Variants in TKTL1 observed in about 807,000 individuals in gnomAD.
TKTL1 encodes the protein transketolase like 1.
Under a neutral mutation model 39.3 loss-of-function variants are expected in TKTL1, and 1 was observed. The observed-to-expected ratio is 0.03, with a 90% CI of 0.01 to 0.12. The LOEUF (loss-of-function observed/expected upper bound fraction) is 0.12, where lower values mean the gene tolerates loss of function less well. Ranked by LOEUF, TKTL1 falls within the 10% of genes least tolerant of loss-of-function variation. The pLI is 1.00. For synonymous variants in TKTL1, 262 were observed against 193.8 expected, an observed-to-expected ratio of 1.35 and a Z score of -2.92; for missense variants, 575 against 509.6, an observed-to-expected ratio of 1.13 and a Z score of -1.24.
At chrX:154,304,758 C>G (rs2067301712) in intron 1 of TKTL1, among the ~76,000 whole-genome samples, 1 of 109,919 alleles carries the variant, frequency 9.1e-6, no homozygotes, top group African/African-American at 3.3e-5. Flanking sequence ...GTTTTGTCCC[C>G]TGCTGTCTTG....
intron 1 of TKTL1, among the ~76,000 whole-genome samples, chrX:154,299,461 T>C (rs2067256598): frequency 9.0e-6 from 1 of 110,856 alleles, no homozygotes; most frequent in Non-Finnish European, 1.9e-5. Flanking sequence ...AGCCTCTCAT[T>C]TTCTTTTTTT....
chrX:154,320,962 G>A, intron 8 of TKTL1, 49 bp downstream of exon 8: 1 of 1,156,851 alleles, frequency 8.6e-7, no homozygotes, highest in Non-Finnish European at 1.2e-6. Context: ...CCTTCACAGA[G>A]AAAGATTAGC....
intron 2 of TKTL1, among the ~76,000 whole-genome samples, chrX:154,305,829 A>G (rs1295678855): frequency 2.7e-5 from 3 of 110,989 alleles, no homozygotes; most frequent in Admixed American, 9.6e-5. Flanking sequence ...TTCCTCTTCT[A>G]TGTTTCTGCA....
intron 2 of TKTL1, among the ~76,000 whole-genome samples, chrX:154,307,410 TG>T (rs1281241069): frequency 8.9e-6 from 1 of 111,946 alleles, no homozygotes; most frequent in South Asian, 3.7e-4. Context: ...TAGTCCATTG[TG>T]GTTTGCCTGG....
intron 1 of TKTL1, 184 bp from the exon 2 acceptor site, chrX:154,305,120 G>A: frequency 8.6e-7 from 1 of 1,158,565 alleles, no homozygotes; most frequent in Non-Finnish European, 1.2e-6. Flanking sequence ...ACAGGGGGAG[G>A]GGTGGTGAGC....
chrX:154,312,223 C>G (rs1488830092), intron 5 of TKTL1, among the ~76,000 whole-genome samples: 1 of 112,567 alleles, frequency 8.9e-6, no homozygotes, highest in Admixed American at 9.4e-5. Flanking sequence ...CAGTGGCCCT[C>G]AGGGGCATAG....
chrX:154,301,990 C>A lies in TKTL1; in HGVS notation c.135-3314C>A, dbSNP rs782273907. Among the ~76,000 whole-genome samples the A allele has an allele frequency of 1.0e-4, 11 of 109,824 alleles. No homozygotes were observed. In the East Asian group the frequency reaches 3.1e-3, roughly 31 times the overall value. ...TAAAAATCATTCAGCGTGGGCACTCCTGAAACTGTCAGGATCATGTTGGTT... is the reference window on the plus strand; with the variant it reads ...TAAAAATCATTCAGCGTGGGCACTCATGAAACTGTCAGGATCATGTTGGTT... On this transcript the variant is annotated intron_variant, in intron 1 of 12. Coordinates refer to ENST00000369915, the MANE Select transcript of TKTL1 (RefSeq NM_012253.4).
In TKTL1 at chrX:154,322,697, C is replaced by T. The variant is rs149685521; in HGVS notation, c.1187-510C>T. Among the ~76,000 whole-genome samples the T allele has an allele frequency of 8.9e-4, 99 of 111,486 alleles. 1 individual carries two copies. The highest frequency in any genetic ancestry group is 3.1e-3 in the African/African-American group (95 of 30,709). ...CTTTCACATTTCTGGTGAGAAACTA[C>T]GTTCCCAGATACACCCTAAAGTACC... On this transcript the variant is annotated intron_variant, in intron 8 of 12. Transcript: ENST00000369915.
intron 7 of TKTL1, among the ~76,000 whole-genome samples, chrX:154,319,754 A>G (rs1233436788): frequency 1.2e-4 from 13 of 105,009 alleles, no homozygotes; most frequent in African/African-American, 4.6e-4. Flanking sequence ...AAAAAAAAAG[A>G]CCATGAGGGG....
chrX:154,315,515 AG>A (rs1388934175), intron 7 of TKTL1, among the ~76,000 whole-genome samples, 178 bp downstream of exon 7: 1 of 111,676 alleles, frequency 9.0e-6, no homozygotes, highest in Non-Finnish European at 1.9e-5. Flanking sequence ...TAGGTCTGCT[AG>A]GAGGGCCGTA....
intron 10 of TKTL1, among the ~76,000 whole-genome samples, chrX:154,326,757 CAA>C (rs1259978605): frequency 1.2e-4 from 14 of 112,497 alleles, no homozygotes; most frequent in Admixed American, 1.2e-3. Flanking sequence ...CCTGTCCTGA[CAA>C]AAGCAAGTAA....
chrX:154,312,834 T>A, intron 6 of TKTL1, 61 bp downstream of exon 6: 2 of 1,051,594 alleles, frequency 1.9e-6, no homozygotes, highest in South Asian at 2.3e-5. Flanking sequence ...TTCTCTAATG[T>A]TGTTCGTATG....
chrX:154,322,285 A>G (rs1330220951), intron 8 of TKTL1, among the ~76,000 whole-genome samples: 4 of 107,042 alleles, frequency 3.7e-5, no homozygotes, highest in African/African-American at 1.4e-4. Context: ...TAATCCCAGC[A>G]TTTTGGGAGG....
At chrX:154,309,213 C>A in intron 2 of TKTL1, 132 bp from the exon 3 acceptor site, 1 of 534,212 alleles carries the variant, frequency 1.9e-6, no homozygotes, top group Non-Finnish European at 3.3e-6. Flanking sequence ...ATTCACCCAG[C>A]AGGGCGGGAG....
At chrX:154,302,200 T>C (rs1357584955) in intron 1 of TKTL1, among the ~76,000 whole-genome samples, 9 of 111,247 alleles carry the variant, frequency 8.1e-5, no homozygotes, top group African/African-American at 2.6e-4. Context: ...CCTCTTTCTT[T>C]TTTTTTTGCA....
In TKTL1 at chrX:154,313,664, A is replaced by G. The variant is rs1325556354; in HGVS notation, c.864+891A>G. 1.7e-4 allele frequency among the ~76,000 whole-genome samples: 19 copies of G among 111,823 alleles called. No individual in the cohort carries two copies. The Admixed American group carries it at 1.7e-3, about 10-fold the overall frequency. ...TATCAACAAAGGGTGGGCCAGGCAC[A>G]GTGGCTCACTCCTGTAATCCCAGCA... On this transcript the variant is annotated intron_variant, in intron 6 of 12. Transcript: ENST00000369915.
chrX:154,311,449 C>A (rs1431898973), intron 5 of TKTL1, among the ~76,000 whole-genome samples: 1 of 112,231 alleles, frequency 8.9e-6, no homozygotes, highest in African/African-American at 3.2e-5. Context: ...AGCAGGTGAA[C>A]AGTGATGTGC....
intron 2 of TKTL1, among the ~76,000 whole-genome samples, chrX:154,306,501 C>T (rs782107190): frequency 2.4e-4 from 27 of 111,803 alleles, no homozygotes; most frequent in African/African-American, 6.8e-4. Flanking sequence ...CATGTGTACG[C>T]GCATGTGTGG....
chrX:154,324,186 G>A (rs868962310), intron 9 of TKTL1, among the ~76,000 whole-genome samples: 6 of 110,132 alleles, frequency 5.4e-5, no homozygotes, highest in African/African-American at 1.0e-4. Flanking sequence ...TCACTCTGTC[G>A]CCCAGGCTGG....
Sources: allele counts gnomAD v4.1 joint callset (sites outside exome capture counted in the v4.1 genomes callset), GRCh38; gene constraint gnomAD v4.1.1; transcripts MANE v1.5; gene names NCBI Gene and HGNC (gene_info 2026-07-23, HGNC 2026-07-21).